CSMD3: variants seen among roughly 807,000 people sequenced by gnomAD.
CSMD3 encodes CUB and sushi domain-containing protein 3.
CSMD3 carries 177 observed loss-of-function variants against 435.2 expected under a neutral mutation model. The ratio of observed to expected loss-of-function variants is 0.41; its 90% CI spans 0.36 to 0.46. The LOEUF is 0.46. Among genes scored for constraint, CSMD3 ranks in the 20% least tolerant of loss-of-function variants. The pLI is 0.34. For synonymous variants in CSMD3, 1,656 were observed against 1,520.5 expected (o/e 1.09, Z -2.07); for missense variants, 4,265 against 4,504.6 (o/e 0.95, Z 1.52).
intron 5 of CSMD3, among the ~76,000 whole-genome samples, chr8:113,084,032 T>C (rs1029632635): frequency 6.6e-6 from 1 of 151,924 alleles, no homozygotes; most frequent in African/African-American, 2.4e-5. Context: ...GGCTAACGAA[T>C]AAAAAACAAG....
At chr8:112,502,095 C>A (rs959683594) in intron 30 of CSMD3, among the ~76,000 whole-genome samples, 2 of 152,140 alleles carry the variant, frequency 1.3e-5, no homozygotes, top group Non-Finnish European at 2.9e-5. Context: ...ACCTTGAATG[C>A]TCATTATGGT....
At chr8:113,169,947 T>C (rs1351139740) in intron 4 of CSMD3, among the ~76,000 whole-genome samples, 2 of 152,170 alleles carry the variant, frequency 1.3e-5, no homozygotes, top group Non-Finnish European at 2.9e-5. Flanking sequence ...CCAGATGGTG[T>C]TGATAAAATT....
intron 10 of CSMD3, among the ~76,000 whole-genome samples, chr8:112,878,963 G>A (rs1430092595): frequency 6.6e-6 from 1 of 152,124 alleles, no homozygotes; most frequent in East Asian, 1.9e-4. Context: ...ACCCTGTGAT[G>A]ATTGCGTTAA....
At chr8:112,949,618 TC>T (rs2083738978) in intron 8 of CSMD3, among the ~76,000 whole-genome samples, 1 of 152,084 alleles carries the variant, frequency 6.6e-6, no homozygotes, top group Non-Finnish European at 1.5e-5. Flanking sequence ...ATCTAATCTA[TC>T]TACTTAAATT....
intron 27 of CSMD3, among the ~76,000 whole-genome samples, chr8:112,531,791 T>G (rs1217898380): frequency 1.3e-5 from 2 of 152,082 alleles, no homozygotes; most frequent in Admixed American, 6.6e-5. Context: ...AATAAATAAC[T>G]AACTCTGAAA....
intron 4 of CSMD3, among the ~76,000 whole-genome samples, chr8:113,172,943 C>A (rs921972079): frequency 4.6e-5 from 7 of 152,248 alleles, no homozygotes; most frequent in Admixed American, 6.5e-5. Context: ...TATTTTGAAC[C>A]TTTGTCCACA....
chr8:112,720,921 G>A lies in CSMD3; in HGVS notation c.1973-30871C>T, dbSNP rs570210261. Among the ~76,000 whole-genome samples, 21 of 152,312 alleles carry A rather than the reference G, an allele frequency of 1.4e-4. 1 individual carries two copies. The South Asian group carries it at 4.3e-3, about 32-fold the overall frequency. ...TGACTTTAGTATTCTGAAATTATCAGTTTGGAATGTATCCTCATCTCCCAA... is the reference window on the plus strand; with the variant it reads ...TGACTTTAGTATTCTGAAATTATCAATTTGGAATGTATCCTCATCTCCCAA... On this transcript the variant is annotated intron_variant, in intron 13 of 70. Transcript: ENST00000297405.
chr8:112,689,463 G>C (rs1359860388), intron 14 of CSMD3, among the ~76,000 whole-genome samples: 1 of 151,940 alleles, frequency 6.6e-6, no homozygotes, highest in Non-Finnish European at 1.5e-5. Flanking sequence ...AAATAAGTTA[G>C]TGCATTATAC....
chr8:113,419,111 G>GT (rs886989883), intron 1 of CSMD3, among the ~76,000 whole-genome samples: 8 of 143,068 alleles, frequency 5.6e-5, no homozygotes, highest in East Asian at 2.2e-4. Flanking sequence ...GTATACACTT[G>GT]TTTTTTTTGG....
At chr8:112,285,227 A>G (rs541896928) in intron 58 of CSMD3, among the ~76,000 whole-genome samples, 1 of 152,250 alleles carries the variant, frequency 6.6e-6, no homozygotes, top group African/African-American at 2.4e-5. Context: ...TCAGCTGAAC[A>G]AAGGACTGAC....
chr8:112,741,794 AAGATAGATAGAT>A (rs3039663), intron 13 of CSMD3, among the ~76,000 whole-genome samples: 7 of 149,352 alleles, frequency 4.7e-5, no homozygotes, highest in Non-Finnish European at 7.4e-5. Flanking sequence ...AGATAGAGAG[AAGATAGATAGAT>A]AGATAGATAG....
chr8:112,842,267 C>A (rs2080198978), intron 11 of CSMD3, among the ~76,000 whole-genome samples: 1 of 151,828 alleles, frequency 6.6e-6, no homozygotes, highest in Non-Finnish European at 1.5e-5. Flanking sequence ...AAGCTCACAG[C>A]TCTTGCCAGT....
At chr8:112,254,087 C>A (rs1029717891) in intron 63 of CSMD3, among the ~76,000 whole-genome samples, 166 bp downstream of exon 63, 1 of 151,122 alleles carries the variant, frequency 6.6e-6, no homozygotes, top group African/African-American at 2.4e-5. Flanking sequence ...ATTTTTTTTT[C>A]TAATTTCCTT....
At chr8:112,420,893 T>C (rs1812422049) in intron 32 of CSMD3, among the ~76,000 whole-genome samples, 1 of 152,126 alleles carries the variant, frequency 6.6e-6, no homozygotes, top group African/African-American at 2.4e-5. Context: ...ATTCAAGCTC[T>C]TGCTTTCATT....
chr8:112,353,868 A>G (rs577705975), intron 38 of CSMD3, among the ~76,000 whole-genome samples: 2 of 152,318 alleles, frequency 1.3e-5, no homozygotes, highest in African/African-American at 4.8e-5. Context: ...TTAACCTAAT[A>G]CCAAAACACG....
chr8:112,398,595 G>T (rs1421544718), intron 35 of CSMD3, among the ~76,000 whole-genome samples: 1 of 152,170 alleles, frequency 6.6e-6, no homozygotes, highest in African/African-American at 2.4e-5. Flanking sequence ...TGGGTACCGA[G>T]CATGGTGAGC....
At chr8:112,726,697 T>G (rs573272635) in intron 13 of CSMD3, among the ~76,000 whole-genome samples, 3 of 151,994 alleles carry the variant, frequency 2.0e-5, no homozygotes, top group Admixed American at 6.6e-5. Context: ...ATTTTGAAAT[T>G]CTTCCTTTTC....
chr8:112,574,991 A>C (rs1228514221), intron 23 of CSMD3, among the ~76,000 whole-genome samples: 1 of 151,960 alleles, frequency 6.6e-6, no homozygotes, highest in Admixed American at 6.6e-5. Context: ...TAGGTGGTAC[A>C]CAATGGAATG....
chr8:113,021,597 A>G (rs1251633769), intron 5 of CSMD3, among the ~76,000 whole-genome samples: 2 of 152,206 alleles, frequency 1.3e-5, no homozygotes, highest in East Asian at 1.9e-4. Flanking sequence ...TCGGCTCCAC[A>G]AGGACATTAA....
Sources: allele counts gnomAD v4.1 joint callset (sites outside exome capture counted in the v4.1 genomes callset), GRCh38; gene constraint gnomAD v4.1.1; transcripts MANE v1.5; gene names NCBI Gene and HGNC (gene_info 2026-07-23, HGNC 2026-07-21).